Variants in FCHO2 observed in about 807,000 individuals in gnomAD.
The protein encoded by FCHO2 is F-BAR domain only protein 2.
A neutral mutation model predicts 114.1 loss-of-function variants in FCHO2; 43 were observed. The observed-to-expected ratio is 0.38, with a 90% CI of 0.30 to 0.49. The LOEUF (loss-of-function observed/expected upper bound fraction) is 0.49, where lower values mean the gene tolerates loss of function less well. Ranked by LOEUF, FCHO2 falls within the 20% of genes least tolerant of loss-of-function variation. The pLI is 0.97. For missense variants in FCHO2, 807 were observed against 950.4 expected (o/e 0.85, Z 1.98); for synonymous variants, 293 against 315.2 (o/e 0.93, Z 0.75).
chr5:72,992,639 A>G lies in FCHO2; in HGVS notation c.495+1775A>G, dbSNP rs537968588. On this transcript the variant is annotated intron_variant, in intron 5 of 25. Transcript: ENST00000430046. ...CTCTTGGGTTGCTGACAAGAACTAAAGCCTTATTGAAAGTTGGGGATTTAG... is the reference window on the plus strand; with the variant it reads ...CTCTTGGGTTGCTGACAAGAACTAAGGCCTTATTGAAAGTTGGGGATTTAG... Among the ~76,000 whole-genome samples, 164 of 152,332 alleles carry G rather than the reference A, an allele frequency of 1.1e-3. 1 individual carries two copies. The highest frequency in any genetic ancestry group is 3.9e-3 in the African/African-American group (162 of 41,580).
intron 5 of FCHO2, among the ~76,000 whole-genome samples, chr5:72,996,653 C>T (rs1754123789): frequency 1.3e-5 from 2 of 151,972 alleles, no homozygotes; most frequent in Admixed American, 1.3e-4. Context: ...CCCGCAACTT[C>T]CCCGAAGCTG....
At chr5:73,041,363 A>G in intron 11 of FCHO2, 48 bp downstream of exon 11, 3 of 1,198,556 alleles carry the variant, frequency 2.5e-6, no homozygotes, top group African/African-American at 1.5e-5. Flanking sequence ...AGTTATTTTC[A>G]TTAGGACAAA....
chr5:73,037,577 G>A (rs1222792650), intron 10 of FCHO2, among the ~76,000 whole-genome samples: 1 of 151,964 alleles, frequency 6.6e-6, no homozygotes, highest in Non-Finnish European at 1.5e-5. Flanking sequence ...GAAAATCTCT[G>A]GTCAACTATT....
intron 2 of FCHO2, among the ~76,000 whole-genome samples, chr5:72,976,002 C>T (rs565119894): frequency 1.2e-4 from 19 of 152,166 alleles, no homozygotes; most frequent in South Asian, 2.1e-4. Flanking sequence ...TACCAAGGAA[C>T]GCAGTTACTT....
At chr5:72,988,015 A>C (rs1753626404) in intron 2 of FCHO2, among the ~76,000 whole-genome samples, 1 of 152,188 alleles carries the variant, frequency 6.6e-6, no homozygotes, top group Non-Finnish European at 1.5e-5. Context: ...AGACATTAGA[A>C]GCAGAAAGTT....
chr5:73,044,124 G>GC (rs1251156192), intron 11 of FCHO2, among the ~76,000 whole-genome samples: 1 of 152,056 alleles, frequency 6.6e-6, no homozygotes, highest in Non-Finnish European at 1.5e-5. Flanking sequence ...CTTCCTCTTT[G>GC]CCTTCCGCCA....
In FCHO2 at chr5:73,041,152, T is replaced by G. The variant is rs1283221511; in HGVS notation, c.915-139T>G. ...TAAAATAATTTGGTATGTTTTAATC[T>G]TCATGGTTTGATTTCTCTGAATATT... is the stretch of plus-strand genomic sequence containing the variant. On this transcript the variant is annotated intron_variant, in intron 10 of 25. Transcript: ENST00000430046. 13 of 617,010 alleles carry G rather than the reference T, an allele frequency of 2.1e-5. No individual in the cohort carries two copies. In the African/African-American group the frequency reaches 2.3e-4, roughly 11 times the overall value. 38.2% of individuals were successfully genotyped at this position (617,010 alleles called of 1,614,324 possible).
At chr5:72,985,497 GTGGTGTGTA>G (rs1753470301) in intron 2 of FCHO2, among the ~76,000 whole-genome samples, 1 of 152,128 alleles carries the variant, frequency 6.6e-6, no homozygotes, top group African/African-American at 2.4e-5. Context: ...TTCTTAGGTG[GTGGTGTGTA>G]CTTCCACCAG....
At chr5:72,958,068 T>C (rs1311363324) in intron 1 of FCHO2, among the ~76,000 whole-genome samples, 1 of 151,910 alleles carries the variant, frequency 6.6e-6, no homozygotes, top group East Asian at 1.9e-4. Context: ...ATATTCTGGA[T>C]ACACACCTTA....
chr5:73,065,915 T>C, intron 18 of FCHO2, among the ~76,000 whole-genome samples: 1 of 151,930 alleles, frequency 6.6e-6, no homozygotes, highest in Non-Finnish European at 1.5e-5. Flanking sequence ...TTTGTAGTCT[T>C]CACTCTCTGT....
intron 5 of FCHO2, among the ~76,000 whole-genome samples, chr5:72,999,568 A>G (rs1200940851): frequency 6.6e-6 from 1 of 151,996 alleles, no homozygotes; most frequent in African/African-American, 2.4e-5. Context: ...TTTTTAGTAG[A>G]GATGGGATTT....
At chr5:73,037,293 A>G in intron 10 of FCHO2, 78 bp downstream of exon 10, 1 of 1,126,276 alleles carries the variant, frequency 8.9e-7, no homozygotes. Context: ...TTTGGAAAGA[A>G]AAAAGTATTT....
chr5:72,968,287 A>G (rs1008043764), intron 1 of FCHO2, among the ~76,000 whole-genome samples: 17 of 152,336 alleles, frequency 1.1e-4, no homozygotes, highest in East Asian at 1.9e-4. Context: ...ATATGTTTGT[A>G]TGTAGGTATA....
intron 1 of FCHO2, among the ~76,000 whole-genome samples, chr5:72,960,794 A>C (rs1751814703): frequency 6.6e-6 from 1 of 152,178 alleles, no homozygotes; most frequent in African/African-American, 2.4e-5. Flanking sequence ...AACATACCTG[A>C]GTTGAATAGC....
intron 6 of FCHO2, 59 bp downstream of exon 6, chr5:73,006,608 A>T (rs902841672): frequency 5.2e-6 from 6 of 1,150,128 alleles, no homozygotes; most frequent in Middle Eastern, 2.0e-4. Context: ...TATATTGATT[A>T]ATTTTTCTCT....
intron 22 of FCHO2, 51 bp from the exon 23 acceptor site, chr5:73,081,732 C>G: frequency 7.4e-7 from 1 of 1,355,700 alleles, no homozygotes; most frequent in Non-Finnish European, 9.8e-7. Flanking sequence ...ATTAACATGA[C>G]TTCTTAACTT....
At chr5:72,967,184 GC>G (rs895812912) in intron 1 of FCHO2, among the ~76,000 whole-genome samples, 1 of 152,216 alleles carries the variant, frequency 6.6e-6, no homozygotes, top group Non-Finnish European at 1.5e-5. Flanking sequence ...TACTCAGGGG[GC>G]TGAAGCACAA....
intron 18 of FCHO2, among the ~76,000 whole-genome samples, chr5:73,064,821 C>G (rs1023559970): frequency 2.0e-5 from 3 of 151,982 alleles, no homozygotes; most frequent in African/African-American, 7.2e-5. Context: ...CCTCAGTTTT[C>G]TATGTCACAA....
intron 1 of FCHO2, 135 bp downstream of exon 1, chr5:72,956,264 G>C: frequency 8.2e-7 from 1 of 1,223,128 alleles, no homozygotes; most frequent in Non-Finnish European, 1.1e-6. Flanking sequence ...GTCCCGCCTG[G>C]GTGAGGTCCG....
Sources: allele counts gnomAD v4.1 joint callset (sites outside exome capture counted in the v4.1 genomes callset), GRCh38; gene constraint gnomAD v4.1.1; transcripts MANE v1.5; gene names NCBI Gene and HGNC (gene_info 2026-07-23, HGNC 2026-07-21).